Variants in VWA3B observed in about 807,000 individuals in gnomAD.
The protein encoded by VWA3B is von Willebrand factor A domain containing 3B, also known as von Willebrand factor A domain-containing protein 3B.
Under a neutral mutation model 158.3 loss-of-function variants are expected in VWA3B, and 138 were observed. The observed-to-expected ratio is 0.87, with a 90% confidence interval of 0.76 to 1.00. The LOEUF (loss-of-function observed/expected upper bound fraction) is 1.00, where lower values mean the gene tolerates loss of function less well. Ranked by LOEUF, VWA3B falls within the 50% of genes least tolerant of loss-of-function variation. The pLI, the probability that VWA3B is intolerant of heterozygous loss-of-function variation, is 0.00. For synonymous variants in VWA3B, 596 were observed against 587.3 expected (o/e 1.01, Z -0.21); for missense variants, 1,555 against 1,565.1 (o/e 0.99, Z 0.11).
chr2:98,150,803 AG>A (rs1049351272), intron 7 of VWA3B, among the ~76,000 whole-genome samples: 4 of 152,142 alleles, frequency 2.6e-5, no homozygotes, highest in African/African-American at 9.7e-5. Flanking sequence ...GACAGTCTGT[AG>A]GTGTGATTTT....
intron 8 of VWA3B, among the ~76,000 whole-genome samples, chr2:98,165,207 T>C (rs1408799388): frequency 1.3e-5 from 2 of 152,252 alleles, no homozygotes; most frequent in Non-Finnish European, 2.9e-5. Flanking sequence ...TAAGGCTCCT[T>C]ATGAGCGTTA....
At chr2:98,214,193 A>T (rs1174128945) in intron 13 of VWA3B, among the ~76,000 whole-genome samples, 2 of 152,088 alleles carry the variant, frequency 1.3e-5, no homozygotes, top group Admixed American at 1.3e-4. Context: ...CCTGTCTCTA[A>T]GAAAAAAACA....
chr2:98,185,245 G>T (rs904118522), intron 9 of VWA3B, among the ~76,000 whole-genome samples: 4 of 152,056 alleles, frequency 2.6e-5, no homozygotes, highest in South Asian at 2.1e-4. Context: ...TCCTCCACCA[G>T]GATATAAAAG....
At position 98,303,704 on chromosome 2, in the gene VWA3B, A is replaced by G. The variant is rs143146260; in HGVS notation, c.3423A>G (p.Glu1141=). The G allele has an allele frequency of 1.2e-6, 2 of 1,614,030 alleles. No individual in the cohort carries two copies. The highest frequency in any genetic ancestry group is 1.7e-6 in the Non-Finnish European group (2 of 1,179,952). Residue 1141 remains glutamate (E), a splice_region_variant and synonymous_variant, in exon 26 of 28, where the codon GAA becomes GAG. Coordinates refer to ENST00000477737, the MANE Select transcript of VWA3B (RefSeq NM_144992.5). ...GAACTCTGTTGGTATTATTACAGGA[A>G]TTTTGCCCTCGGAGTGCACTTATTA... ...YTVLKCNNRR[E]FCPRSALIKI...
intron 21 of VWA3B, among the ~76,000 whole-genome samples, chr2:98,263,776 C>A (rs1473614578): frequency 6.6e-6 from 1 of 151,904 alleles, no homozygotes. Flanking sequence ...GAGCATTTCT[C>A]CCTTTTCAAT....
intron 10 of VWA3B, among the ~76,000 whole-genome samples, chr2:98,188,988 T>C (rs1312117071): frequency 6.6e-6 from 1 of 152,242 alleles, no homozygotes; most frequent in Admixed American, 6.5e-5. Context: ...CAATGTGTTA[T>C]ACCTTTCTTC....
At chr2:98,104,144 T>C (rs957147646) in intron 2 of VWA3B, among the ~76,000 whole-genome samples, 5 of 152,232 alleles carry the variant, frequency 3.3e-5, no homozygotes, top group Non-Finnish European at 4.4e-5. Flanking sequence ...TTGGTGTTTT[T>C]AATGCAGTTG....
chr2:98,205,806 A>T (rs978757838), intron 12 of VWA3B, among the ~76,000 whole-genome samples: 3 of 152,176 alleles, frequency 2.0e-5, no homozygotes, highest in African/African-American at 7.2e-5. Flanking sequence ...GCATGTTTTA[A>T]AATTTCCAAG....
intron 22 of VWA3B, among the ~76,000 whole-genome samples, chr2:98,283,794 CCT>C (rs1689013959): frequency 6.6e-6 from 1 of 152,198 alleles, no homozygotes; most frequent in Admixed American, 6.5e-5. Flanking sequence ...TAGTTTGTTG[CCT>C]TACTTTGCAT....
chr2:98,313,604 A>AT (rs1691024113), downstream of VWA3B, among the ~76,000 whole-genome samples: 2 of 152,200 alleles, frequency 1.3e-5, no homozygotes, highest in Admixed American at 6.5e-5. Flanking sequence ...ACGTGCATGC[A>AT]TGTGAGCCTG....
At chr2:98,110,196 G>C (rs1316287142) in intron 2 of VWA3B, among the ~76,000 whole-genome samples, 5 of 150,196 alleles carry the variant, frequency 3.3e-5, no homozygotes, top group African/African-American at 1.2e-4. Context: ...GTAAGGCTCT[G>C]TTCAGCTTTC....
At chr2:98,218,365 A>C (rs1184808625) in intron 14 of VWA3B, among the ~76,000 whole-genome samples, 1 of 152,216 alleles carries the variant, frequency 6.6e-6, no homozygotes, top group Admixed American at 6.5e-5. Context: ...AAATAGAAGC[A>C]TATATAGACC....
At chr2:98,120,146 G>T (rs1674852923) in intron 4 of VWA3B, among the ~76,000 whole-genome samples, 1 of 152,178 alleles carries the variant, frequency 6.6e-6, no homozygotes, top group Non-Finnish European at 1.5e-5. Context: ...TTTCCAGACT[G>T]AAGTTGCAAC....
the VWA3B span, among the ~76,000 whole-genome samples, chr2:98,327,030 C>A: frequency 1.3e-5 from 2 of 151,284 alleles, no homozygotes; most frequent in Admixed American, 6.6e-5. Context: ...TGCAGAGACT[C>A]ACGCCTGTAA....
At chr2:98,116,020 A>G (rs531765935) in intron 3 of VWA3B, among the ~76,000 whole-genome samples, 1 of 151,186 alleles carries the variant, frequency 6.6e-6, no homozygotes, top group Non-Finnish European at 1.5e-5. Flanking sequence ...AAAATAAAGG[A>G]AAAAAAAATA....
intron 25 of VWA3B, among the ~76,000 whole-genome samples, chr2:98,301,914 T>C (rs1310443659): frequency 6.6e-6 from 1 of 152,226 alleles, no homozygotes; most frequent in Non-Finnish European, 1.5e-5. Context: ...ATTTAAGAAA[T>C]CCTTTCTTAA....
At chr2:98,190,176 T>C (rs987797404) in intron 10 of VWA3B, among the ~76,000 whole-genome samples, 6 of 152,204 alleles carry the variant, frequency 3.9e-5, no homozygotes, top group Non-Finnish European at 7.4e-5. Context: ...ATCTCCACTA[T>C]TGTCTTATTA....
intron 2 of VWA3B, among the ~76,000 whole-genome samples, chr2:98,112,641 C>T (rs1248178061): frequency 6.6e-6 from 1 of 151,752 alleles, no homozygotes; most frequent in Non-Finnish European, 1.5e-5. Context: ...TTTGTACATA[C>T]ATTGCACTGG....
rs148941250 is a variant in VWA3B at position 98,207,528 on chromosome 2, A to G, written c.1738-4402A>G. 1.1e-3 allele frequency: 550 copies of G among 520,294 alleles called. 3 individuals are homozygous for G. Among genetic ancestry groups the G allele is most frequent in the African/African-American group, 9.3e-3 (481 of 51,912 alleles). The allele number at this position is 520,294 out of a possible 1,614,324, so 32.2% of individuals were successfully genotyped here. ...CTGTGTCTTGAATGTGGATAATACAACGTTTCTTGTCTCAGCCATTCCAGG... is the reference window on the plus strand; with the variant it reads ...CTGTGTCTTGAATGTGGATAATACAGCGTTTCTTGTCTCAGCCATTCCAGG... On this transcript the variant is annotated intron_variant, in intron 12 of 27. Coordinates refer to ENST00000477737, the MANE Select transcript of VWA3B (RefSeq NM_144992.5).
Sources: allele counts gnomAD v4.1 joint callset (sites outside exome capture counted in the v4.1 genomes callset), GRCh38; gene constraint gnomAD v4.1.1; transcripts MANE v1.5; gene names NCBI Gene and HGNC (gene_info 2026-07-23, HGNC 2026-07-21).